SORT1: variants seen among roughly 807,000 people sequenced by gnomAD.
SORT1 encodes sortilin.
In SORT1, 39 loss-of-function variants were observed where a neutral mutation model predicts 101.7. That is an observed-to-expected ratio of 0.38 (90% CI 0.30 to 0.50). SORT1 has a LOEUF of 0.50. SORT1 is among the 20% of genes least tolerant of loss of function. The probability of loss-of-function intolerance (pLI) is 0.90; values close to 1 mark genes in which losing one functional copy is unlikely to be tolerated. For missense variants in SORT1, 878 were observed against 1,040.4 expected, an observed-to-expected ratio of 0.84 and a Z score of 2.15; for synonymous variants, 396 against 393.7, an observed-to-expected ratio of 1.01 and a Z score of -0.07.
chr1:109,332,780 A>C (rs899783756), intron 11 of SORT1, among the ~76,000 whole-genome samples: 4 of 152,340 alleles, frequency 2.6e-5, no homozygotes, highest in Admixed American at 1.3e-4. Context: ...CCAATGGAAC[A>C]GAATAGAGAG....
chr1:109,392,740 C>G (rs1652984803), intron 1 of SORT1: 1 of 984,272 alleles, frequency 1.0e-6, no homozygotes, highest in Non-Finnish European at 1.2e-6. Flanking sequence ...CTGAAATATC[C>G]AATGCATAAG....
At chr1:109,341,590 C>A (rs545841901) in intron 9 of SORT1, among the ~76,000 whole-genome samples, 44 of 152,140 alleles carry the variant, frequency 2.9e-4, no homozygotes, top group Non-Finnish European at 5.0e-4. Context: ...ACCTCGTGAT[C>A]TGCCCGCCTC....
At chr1:109,393,655 T>G (rs992806869) in intron 1 of SORT1, among the ~76,000 whole-genome samples, 11 of 152,176 alleles carry the variant, frequency 7.2e-5, no homozygotes, top group Non-Finnish European at 1.6e-4. Context: ...TGAAAACAGT[T>G]TTGAGTTCCA....
At chr1:109,357,872 A>G (rs1164925734) in intron 3 of SORT1, among the ~76,000 whole-genome samples, 1 of 152,242 alleles carries the variant, frequency 6.6e-6, no homozygotes, top group African/African-American at 2.4e-5. Context: ...GCAGTAGATC[A>G]GCTCTTATCT....
intron 1 of SORT1, among the ~76,000 whole-genome samples, chr1:109,370,412 A>G (rs1651415733): frequency 6.6e-6 from 1 of 152,174 alleles, no homozygotes; most frequent in African/African-American, 2.4e-5. Flanking sequence ...GGTTAATATT[A>G]TATGTATTAA....
At chr1:109,336,534 G>C (rs1013319967) in intron 10 of SORT1, among the ~76,000 whole-genome samples, 188 bp from the exon 11 acceptor site, 7 of 152,204 alleles carry the variant, frequency 4.6e-5, no homozygotes, top group African/African-American at 1.7e-4. Context: ...GAGGCCAGGT[G>C]CAGTGGTTCA....
At chr1:109,342,871 A>G (rs1484862393) in intron 8 of SORT1, among the ~76,000 whole-genome samples, 1 of 152,162 alleles carries the variant, frequency 6.6e-6, no homozygotes, top group Non-Finnish European at 1.5e-5. Context: ...AGTTAGCCTG[A>G]GCATGAGAAT....
chr1:109,362,289 A>G (rs950970956), intron 3 of SORT1, among the ~76,000 whole-genome samples: 1 of 152,334 alleles, frequency 6.6e-6, no homozygotes, highest in African/African-American at 2.4e-5. Flanking sequence ...TCCCCCTAGG[A>G]GCAATGGTTC....
chr1:109,353,006 T>C (rs147185944), intron 5 of SORT1, among the ~76,000 whole-genome samples: 16 of 137,066 alleles, frequency 1.2e-4, no homozygotes, highest in African/African-American at 4.3e-4. Context: ...AGCAAGCTAG[T>C]TTCCTTCCTC....
intron 11 of SORT1, among the ~76,000 whole-genome samples, chr1:109,329,094 G>GC (rs915886780): frequency 3.3e-5 from 5 of 152,056 alleles, no homozygotes; most frequent in African/African-American, 7.2e-5. Context: ...CCTGTCAGTT[G>GC]CCCCCCCAAG....
In SORT1 at chr1:109,391,924, A is replaced by C. The variant is rs185459018; in HGVS notation, c.306+5663T>G. 3.3e-5 allele frequency among the ~76,000 whole-genome samples: 5 copies of C among 152,356 alleles called. No individual in the cohort carries two copies. The East Asian group carries it at 9.6e-4, about 29-fold the overall frequency. ...CAATAAAAACACTGATGACAAAAGG[A>C]GAGAAAGGGAACTGAAACTTGTAGA... On this transcript the variant is annotated intron_variant, in intron 1 of 19. Transcript: ENST00000256637.
chr1:109,345,574 T>C (rs1364591638), intron 8 of SORT1, among the ~76,000 whole-genome samples, 177 bp downstream of exon 8: 1 of 150,722 alleles, frequency 6.6e-6, no homozygotes, highest in East Asian at 1.9e-4. Flanking sequence ...AAGGCCAAAG[T>C]GCAGAGTAGC....
intron 1 of SORT1, among the ~76,000 whole-genome samples, chr1:109,388,381 G>A (rs1054075938): frequency 1.3e-5 from 2 of 151,136 alleles, no homozygotes; most frequent in African/African-American, 4.9e-5. Context: ...TAGGGCTACC[G>A]GCATATGCTA....
intron 11 of SORT1, among the ~76,000 whole-genome samples, chr1:109,333,066 T>C (rs1039807418): frequency 2.6e-5 from 4 of 152,162 alleles, no homozygotes; most frequent in Admixed American, 1.3e-4. Context: ...TAGCTGGGAC[T>C]ACAGGTGCAC....
intron 1 of SORT1, among the ~76,000 whole-genome samples, chr1:109,377,642 C>T (rs1162567826): frequency 6.6e-6 from 1 of 152,086 alleles, no homozygotes; most frequent in Admixed American, 6.5e-5. Context: ...CTGAACACGT[C>T]GAAGTGTTTA....
At chr1:109,365,600 A>T (rs1419410854) in intron 3 of SORT1, among the ~76,000 whole-genome samples, 1 of 152,248 alleles carries the variant, frequency 6.6e-6, no homozygotes, top group Non-Finnish European at 1.5e-5. Flanking sequence ...TCAATCCTAT[A>T]TTTAAAAAAA....
intron 3 of SORT1, among the ~76,000 whole-genome samples, chr1:109,355,769 C>T (rs1258693490): frequency 1.3e-5 from 2 of 151,904 alleles, no homozygotes; most frequent in African/African-American, 2.4e-5. Flanking sequence ...AGCACACTGC[C>T]TCCCACTTAT....
At position 109,313,722 on chromosome 1, in the gene SORT1, T is replaced by A; in HGVS notation, c.*321A>T. The A allele has an allele frequency of 2.6e-6, 1 of 378,664 alleles. No individual in the cohort carries two copies. Among genetic ancestry groups the A allele is most frequent in the Non-Finnish European group, 4.8e-6 (1 of 208,348 alleles). The allele number at this position is 378,664 out of a possible 1,614,324, so 23.5% of individuals were successfully genotyped here. On this transcript the variant is annotated 3_prime_UTR_variant, in exon 20 of 20. Transcript: ENST00000256637. Reference sequence around the variant, plus strand: ...CACAGAAGTGGGGTTAGTGAAAAGGTCCCTTCGAATTCCATTTCGTTTCCC... The same window carrying A: ...CACAGAAGTGGGGTTAGTGAAAAGGACCCTTCGAATTCCATTTCGTTTCCC...
chr1:109,358,709 C>A (rs1650500626), intron 3 of SORT1, among the ~76,000 whole-genome samples: 1 of 152,072 alleles, frequency 6.6e-6, no homozygotes, highest in South Asian at 2.1e-4. Flanking sequence ...CAAAAATTAG[C>A]CAGGCATGGT....
Sources: allele counts gnomAD v4.1 joint callset (sites outside exome capture counted in the v4.1 genomes callset), GRCh38; gene constraint gnomAD v4.1.1; transcripts MANE v1.5; gene names NCBI Gene and HGNC (gene_info 2026-07-23, HGNC 2026-07-21).